SLCO1A2: variants seen among roughly 807,000 people sequenced by gnomAD.
SLCO1A2 encodes solute carrier organic anion transporter family member 1A2, also known as OATP-1.
A neutral mutation model predicts 69.0 loss-of-function variants in SLCO1A2; 67 were observed. That is an observed-to-expected ratio of 0.97 (90% CI 0.80 to 1.19). The LOEUF (loss-of-function observed/expected upper bound fraction) is 1.19. SLCO1A2 is among the 50% of genes most tolerant of loss of function. The pLI is 0.00. For synonymous variants in SLCO1A2, 260 were observed against 265.9 expected (o/e 0.98, Z 0.22); for missense variants, 787 against 793.7 (o/e 0.99, Z 0.10).
intron 2 of SLCO1A2, among the ~76,000 whole-genome samples, chr12:21,371,611 AC>A (rs2137086300): frequency 6.6e-6 from 1 of 152,308 alleles, no homozygotes; most frequent in East Asian, 1.9e-4. Flanking sequence ...TTAAGATTAC[AC>A]AGGCATGCAC....
intron 1 of SLCO1A2, among the ~76,000 whole-genome samples, chr12:21,410,522 A>C (rs1941891100): frequency 6.6e-6 from 1 of 152,154 alleles, no homozygotes; most frequent in Non-Finnish European, 1.5e-5. Flanking sequence ...GTAGTCATCT[A>C]ATTTTCCCTT....
At chr12:21,386,200 C>T (rs1176345830) in intron 1 of SLCO1A2, among the ~76,000 whole-genome samples, 1 of 152,108 alleles carries the variant, frequency 6.6e-6, no homozygotes, top group East Asian at 1.9e-4. Context: ...ATCAGGCAGA[C>T]CTTTGTTAGG....
Position 21,294,038 on chromosome 12 carries a change from T to C in SLCO1A2, c.1344A>G (p.Lys448=). The change falls in exon 11 of 15, where the codon AAA becomes AAG. Residue 448 remains lysine (K), a synonymous_variant. Transcript: ENST00000683939. ...DCNVDCNCPS[K]IWDPVCGNNG... is the part of the protein sequence containing the mutation. ...TGTTTCCACACACAGGATCCCATAT[T>C]TTAGATGGACAGTTGCAATCCACAT... 1 of 1,612,080 alleles carries C rather than the reference T, an allele frequency of 6.2e-7. No individual in the cohort carries two copies. The highest frequency in any genetic ancestry group is 8.5e-7 in the Non-Finnish European group (1 of 1,179,076).
At chr12:21,296,494 C>A (rs1411112228) in intron 9 of SLCO1A2, among the ~76,000 whole-genome samples, 1 of 152,190 alleles carries the variant, frequency 6.6e-6, no homozygotes, top group Non-Finnish European at 1.5e-5. Flanking sequence ...CCTCACTCCT[C>A]AGCATCCCAA....
At chr12:21,373,564 C>A in intron 2 of SLCO1A2, 5 of 720,882 alleles carry the variant, frequency 6.9e-6, no homozygotes, top group African/African-American at 1.7e-5. Flanking sequence ...TTCAGCTATT[C>A]CATTGTTCCT....
rs1031379939 is a variant in SLCO1A2 at position 21,289,015 on chromosome 12, A to G, written c.1610+3149T>C. 9.2e-5 allele frequency among the ~76,000 whole-genome samples: 14 copies of G among 151,886 alleles called. 1 individual carries two copies. Among genetic ancestry groups the G allele is most frequent in the African/African-American group, 3.4e-4 (14 of 41,478 alleles). ...TACAATCACATTGATAATCACAATT[A>G]TTTACAAGCAATACAAATATAAATT... On this transcript the variant is annotated intron_variant, in intron 12 of 14. Transcript: ENST00000683939.
At chr12:21,417,971 C>G (rs1296592894) in exon 1 of SLCO1A2, 1 of 152,170 alleles carries the variant, frequency 6.6e-6, no homozygotes, top group Non-Finnish European at 1.5e-5. Flanking sequence ...ACTTTTACAA[C>G]ACACCATGGG....
chr12:21,308,791 A>G (rs1464703982), intron 4 of SLCO1A2, among the ~76,000 whole-genome samples: 1 of 152,216 alleles, frequency 6.6e-6, no homozygotes, highest in Admixed American at 6.5e-5. Flanking sequence ...GACTCTACAA[A>G]GAAGTCCTCC....
intron 1 of SLCO1A2, among the ~76,000 whole-genome samples, chr12:21,401,249 A>C (rs1036316500): frequency 1.1e-4 from 17 of 151,924 alleles, no homozygotes; most frequent in Admixed American, 1.0e-3. Flanking sequence ...TGTAATTAAT[A>C]AAAGAATTTG....
intron 12 of SLCO1A2, among the ~76,000 whole-genome samples, chr12:21,283,844 A>G (rs1945244413): frequency 6.6e-6 from 1 of 152,236 alleles, no homozygotes; most frequent in African/African-American, 2.4e-5. Context: ...AGGAATGCAA[A>G]TCAAAACTGC....
At chr12:21,374,180 C>CT (rs1940013536) in intron 2 of SLCO1A2, among the ~76,000 whole-genome samples, 1 of 152,090 alleles carries the variant, frequency 6.6e-6, no homozygotes, top group African/African-American at 2.4e-5. Context: ...TAATTAAGGA[C>CT]ATCTAACAAC....
upstream of SLCO1A2, among the ~76,000 whole-genome samples, chr12:21,398,338 TC>T (rs1941554997): frequency 1.4e-5 from 2 of 147,896 alleles, no homozygotes; most frequent in South Asian, 4.4e-4. Flanking sequence ...AAGTTGAATC[TC>T]TGAATAGACC....
upstream of SLCO1A2, among the ~76,000 whole-genome samples, chr12:21,335,267 A>C (rs1036373128): frequency 2.0e-5 from 3 of 152,040 alleles, no homozygotes; most frequent in Non-Finnish European, 2.9e-5. Flanking sequence ...TCATGAAAAC[A>C]ACCTAGTAAA....
In SLCO1A2 at chr12:21,292,232, T is replaced by C; in HGVS notation, c.1542A>G (p.Leu514=). Residue 514 remains leucine, a synonymous_variant, in exon 12 of 15, where the codon CTA becomes CTG. Coordinates refer to ENST00000683939, the MANE Select transcript of SLCO1A2 (RefSeq NM_001386879.1). ...PDCSLMLQYF[L]ILSAMSSFIY... ...TGAAACTGCTCATCGCTGACAAGATTAGGAAGTACTGGAGCATCAAGGAAC... is the reference window on the plus strand; with the variant it reads ...TGAAACTGCTCATCGCTGACAAGATCAGGAAGTACTGGAGCATCAAGGAAC... 1 of 1,613,128 alleles carries C rather than the reference T, an allele frequency of 6.2e-7. No individual in the cohort carries two copies. The highest frequency in any genetic ancestry group is 8.5e-7 in the Non-Finnish European group (1 of 1,179,390).
chr12:21,306,202 C>A (rs1470928185), intron 5 of SLCO1A2, among the ~76,000 whole-genome samples: 1 of 152,228 alleles, frequency 6.6e-6, no homozygotes, highest in Non-Finnish European at 1.5e-5. Flanking sequence ...ATCTCTTGAA[C>A]TTTGTTTCTG....
At chr12:21,325,251 G>T (rs897180876) in intron 2 of SLCO1A2, among the ~76,000 whole-genome samples, 2 of 152,092 alleles carry the variant, frequency 1.3e-5, no homozygotes. Context: ...CAGTTTCATA[G>T]TACTTGATAG....
At chr12:21,290,086 CAT>C (rs974010583) in intron 12 of SLCO1A2, among the ~76,000 whole-genome samples, 3 of 151,348 alleles carry the variant, frequency 2.0e-5, no homozygotes, top group Non-Finnish European at 2.9e-5. Flanking sequence ...CATATAGAGA[CAT>C]ATATATGTAT....
At chr12:21,346,977 A>G (rs1953272202) in intron 2 of SLCO1A2, among the ~76,000 whole-genome samples, 1 of 152,130 alleles carries the variant, frequency 6.6e-6, no homozygotes, top group Non-Finnish European at 1.5e-5. Flanking sequence ...AACATCCAAA[A>G]AAAAAAAAAG....
At chr12:21,366,893 G>A (rs919480444) in intron 2 of SLCO1A2, among the ~76,000 whole-genome samples, 4 of 151,896 alleles carry the variant, frequency 2.6e-5, no homozygotes, top group South Asian at 2.1e-4. Flanking sequence ...TAATAAAAGC[G>A]TTTTGGGAGA....
Sources: gnomAD v4.1 joint callset for allele counts (sites outside exome capture counted in the v4.1 genomes callset) on GRCh38, gnomAD v4.1.1 for gene constraint, MANE v1.5 for transcripts, NCBI Gene and HGNC (gene_info 2026-07-23, HGNC 2026-07-21) for gene names.